Variants in TTLL5 observed in about 807,000 individuals in gnomAD.
The protein encoded by TTLL5 is tubulin tyrosine ligase like 5, also known as tubulin polyglutamylase TTLL5.
Under a neutral mutation model 168.4 loss-of-function variants are expected in TTLL5, and 132 were observed. The observed-to-expected ratio is 0.78, with a 90% confidence interval of 0.68 to 0.91. TTLL5 has a LOEUF of 0.91. Among genes scored for constraint, TTLL5 ranks in the 40% least tolerant of loss-of-function variants. The pLI is 0.00. For synonymous variants in TTLL5, 546 were observed against 558.6 expected (o/e 0.98, Z 0.32); for missense variants, 1,545 against 1,581.5 (o/e 0.98, Z 0.39).
chr14:75,925,676 G>C (rs1310277605), intron 31 of TTLL5, among the ~76,000 whole-genome samples: 1 of 152,046 alleles, frequency 6.6e-6, no homozygotes, highest in Non-Finnish European at 1.5e-5. Flanking sequence ...TGCAATCTCG[G>C]CACTTTGGGA....
intron 31 of TTLL5, among the ~76,000 whole-genome samples, chr14:75,945,196 TATATA>T (rs1414624868): frequency 6.7e-6 from 1 of 148,366 alleles, no homozygotes; most frequent in African/African-American, 2.5e-5. Flanking sequence ...CTTTTATAGA[TATATA>T]ATATATATTA....
intron 14 of TTLL5, 111 bp downstream of exon 14, chr14:75,734,161 GT>G: frequency 1.0e-6 from 1 of 966,552 alleles, no homozygotes; most frequent in South Asian, 1.4e-5. Context: ...ATGCTGAATG[GT>G]TTGTACTAAA....
At chr14:75,727,841 A>G (rs758061153) in intron 12 of TTLL5, 7 of 504,012 alleles carry the variant, frequency 1.4e-5, no homozygotes, top group Non-Finnish European at 2.8e-5. Flanking sequence ...AAATAAGACT[A>G]GTCGTTGTCA....
intron 17 of TTLL5, among the ~76,000 whole-genome samples, chr14:75,748,872 A>G (rs927658775): frequency 6.6e-6 from 1 of 152,092 alleles, no homozygotes; most frequent in South Asian, 2.1e-4. Context: ...CACTCTTTGT[A>G]CTTGTTTATA....
rs569242994 is a variant in TTLL5, at chr14:75,950,040, A to C, written c.3824-4384A>C. On this transcript the variant is annotated intron_variant, in intron 31 of 31. Transcript: ENST00000298832. ...AGGGGGCTGTGTGTGACTTGTCTTA[A>C]CCAGATAACAAAAATTACCATCAAG... Among the ~76,000 whole-genome samples, 4 of 152,320 alleles carry C rather than the reference A, an allele frequency of 2.6e-5. No individual in the cohort carries two copies. The South Asian group carries it at 8.3e-4, about 32-fold the overall frequency.
At chr14:75,795,464 G>T (rs1056890601) in intron 27 of TTLL5, among the ~76,000 whole-genome samples, 1 of 152,082 alleles carries the variant, frequency 6.6e-6, no homozygotes, top group African/African-American at 2.4e-5. Context: ...GGAACAGGTG[G>T]TGTTTGGTTA....
chr14:75,827,791 C>T (rs1281441658), intron 28 of TTLL5, among the ~76,000 whole-genome samples: 1 of 136,562 alleles, frequency 7.3e-6, no homozygotes, highest in Non-Finnish European at 1.5e-5. Context: ...ATGATCACAG[C>T]TCACTGCAGC....
rs11349214 is a variant in TTLL5, at chr14:75,677,390, CTTTTT to C, written c.182-4136_182-4132del. 8.9e-5 allele frequency among the ~76,000 whole-genome samples: 7 copies of C among 78,342 alleles called. No individual in the cohort carries two copies. In the Admixed American group the frequency reaches 9.8e-4, roughly 11 times the overall value. The allele number at this position is 78,342 out of a possible 152,430, so 51.4% of individuals were successfully genotyped here. ...AGAGATTCTCTTTCTCTCTCTCTCT[CTTTTT>C]TTTTTTTTTTTTTTTTTTGAGACAG... On this transcript the variant is annotated intron_variant, in intron 3 of 31. Transcript: ENST00000298832.
In TTLL5 at chr14:75,707,609, C is replaced by CTTT; in HGVS notation, c.656-5_656-3dup. 1 of 1,198,692 alleles carries CTTT rather than the reference C, an allele frequency of 8.3e-7. No homozygotes were observed. Among genetic ancestry groups the CTTT allele is most frequent in the East Asian group, 3.0e-5 (1 of 33,192 alleles). 74.3% of individuals were successfully genotyped at this position (1,198,692 alleles called of 1,614,324 possible). A position where few individuals can be genotyped will look rare whatever the true frequency, so the allele number is the denominator to read the frequency against. On this transcript the variant is annotated splice_polypyrimidine_tract_variant and intron_variant, in intron 8 of 31. Transcript: ENST00000298832. ...CTTAGTTTTTTTTTGTGAATACAAA[C>CTTT]TTTTTTTTTTTAGATTTCAAGTTTG...
At chr14:75,721,198 C>T (rs989411545) in intron 12 of TTLL5, among the ~76,000 whole-genome samples, 1 of 151,996 alleles carries the variant, frequency 6.6e-6, no homozygotes, top group Admixed American at 6.6e-5. Flanking sequence ...TTCTCTTTCT[C>T]TTCCTCTTCT....
At chr14:75,881,859 A>G (rs928541568) in intron 29 of TTLL5, among the ~76,000 whole-genome samples, 2 of 152,234 alleles carry the variant, frequency 1.3e-5, no homozygotes, top group African/African-American at 4.8e-5. Flanking sequence ...TGAGATAAAT[A>G]AGTTGTAAGA....
In TTLL5 at chr14:75,924,215, A is replaced by G. The variant is rs370311391; in HGVS notation, c.3823+21991A>G. Among the ~76,000 whole-genome samples, 52 of 150,256 alleles carry G rather than the reference A, an allele frequency of 3.5e-4. 2 individuals are homozygous for G. In the South Asian group the frequency reaches 6.1e-3, roughly 17 times the overall value. On this transcript the variant is annotated intron_variant, in intron 31 of 31. Transcript: ENST00000298832. Reference sequence around the variant, plus strand: ...GTCTTTCAATTGGGGCATTTAGCCCATTTACATTTAACGTTAATATTGTTA... The same window carrying G: ...GTCTTTCAATTGGGGCATTTAGCCCGTTTACATTTAACGTTAATATTGTTA...
chr14:75,663,990 A>C (rs1432410171), intron 2 of TTLL5, among the ~76,000 whole-genome samples: 1 of 151,982 alleles, frequency 6.6e-6, no homozygotes, highest in African/African-American at 2.4e-5. Flanking sequence ...AGGCTGAGAC[A>C]GGAGAATGGC....
chr14:75,885,344 T>C lies in TTLL5; in HGVS notation c.3740+2442T>C, dbSNP rs187611422. Among the ~76,000 whole-genome samples, 673 of 151,060 alleles carry C rather than the reference T, an allele frequency of 4.5e-3. 2 individuals carry two copies. The highest frequency in any genetic ancestry group is 5.0e-3 in the Non-Finnish European group (337 of 67,826). ...TCTCTACTAAAAATACAAAAAAAATTAGCCGTGCATGATGGTGGGCGCCTG... is the reference window on the plus strand; with the variant it reads ...TCTCTACTAAAAATACAAAAAAAATCAGCCGTGCATGATGGTGGGCGCCTG... On this transcript the variant is annotated intron_variant, in intron 30 of 31. Transcript: ENST00000298832.
intron 15 of TTLL5, among the ~76,000 whole-genome samples, chr14:75,738,295 A>G (rs922873652): frequency 3.3e-5 from 5 of 152,176 alleles, no homozygotes; most frequent in African/African-American, 1.2e-4. Context: ...ATGCTTTAGT[A>G]TGAGGGATAT....
intron 18 of TTLL5, among the ~76,000 whole-genome samples, chr14:75,754,724 C>T (rs1890141689): frequency 6.6e-6 from 1 of 152,118 alleles, no homozygotes; most frequent in African/African-American, 2.4e-5. Context: ...TAAATATTGA[C>T]AGTATTTCAA....
chr14:75,782,095 C>A (rs1184169281), intron 24 of TTLL5, among the ~76,000 whole-genome samples: 1 of 151,814 alleles, frequency 6.6e-6, no homozygotes, highest in Non-Finnish European at 1.5e-5. Flanking sequence ...ATTGTAACTT[C>A]TTGGCTCCAG....
At chr14:75,773,104 A>C (rs1313977172) in intron 21 of TTLL5, among the ~76,000 whole-genome samples, 1 of 152,214 alleles carries the variant, frequency 6.6e-6, no homozygotes, top group Non-Finnish European at 1.5e-5. Flanking sequence ...GCAAGTCTTT[A>C]TGCCAGGCTT....
chr14:75,695,799 T>G (rs1418377288), intron 6 of TTLL5, among the ~76,000 whole-genome samples: 1 of 103,204 alleles, frequency 9.7e-6, no homozygotes, highest in South Asian at 3.5e-4. Context: ...TTCCCTTCCC[T>G]GCCCTCCCCT....
Sources: allele counts gnomAD v4.1 joint callset (sites outside exome capture counted in the v4.1 genomes callset), GRCh38; gene constraint gnomAD v4.1.1; transcripts MANE v1.5; gene names NCBI Gene and HGNC (gene_info 2026-07-23, HGNC 2026-07-21).